The following DAB2IP variants were observed in gnomAD, a reference collection of about 807,000 sequenced individuals.
DAB2IP encodes disabled homolog 2-interacting protein.
DAB2IP carries 28 observed loss-of-function variants against 107.2 expected under a neutral mutation model. The observed-to-expected ratio is 0.26, with a 90% confidence interval of 0.19 to 0.36. The LOEUF (loss-of-function observed/expected upper bound fraction) is 0.36, where lower values mean the gene tolerates loss of function less well. DAB2IP is among the 10% of genes least tolerant of loss of function. DAB2IP has a pLI of 1.00. For synonymous variants in DAB2IP, 755 were observed against 706.4 expected (o/e 1.07, Z -1.09); for missense variants, 1,400 against 1,644.7 (o/e 0.85, Z 2.57).
At chr9:121,583,061 G>A (rs971948433) in intron 1 of DAB2IP, among the ~76,000 whole-genome samples, 2 of 152,240 alleles carry the variant, frequency 1.3e-5, no homozygotes, top group African/African-American at 2.4e-5. Context: ...AAGGAGCCAC[G>A]AAAACAGAAC....
chr9:121,660,870 T>C (rs1276231239), intron 1 of DAB2IP, among the ~76,000 whole-genome samples: 1 of 152,182 alleles, frequency 6.6e-6, no homozygotes, highest in African/African-American at 2.4e-5. Context: ...AGTGGTTCTG[T>C]GTGGCCCACC....
chr9:121,587,889 T>TA (rs1024754938), intron 1 of DAB2IP, among the ~76,000 whole-genome samples: 4 of 152,140 alleles, frequency 2.6e-5, no homozygotes, highest in Non-Finnish European at 2.9e-5. Context: ...ATACTTACAC[T>TA]AAAAAAAATT....
intron 9 of DAB2IP, among the ~76,000 whole-genome samples, chr9:121,767,320 G>A (rs1377830988): frequency 1.3e-5 from 2 of 152,214 alleles, no homozygotes; most frequent in African/African-American, 4.8e-5. Context: ...GGGCTCTGAC[G>A]GCACCAAGAT....
intron 3 of DAB2IP, among the ~76,000 whole-genome samples, chr9:121,726,521 G>A (rs1428379567): frequency 6.6e-6 from 1 of 152,210 alleles, no homozygotes; most frequent in Non-Finnish European, 1.5e-5. Flanking sequence ...AAACCAACAC[G>A]GGGCTTGCAA....
rs891778054 is a variant in DAB2IP, at chr9:121,698,020, C to G, written c.229-1305C>G. On this transcript the variant is annotated intron_variant, in intron 2 of 15. Coordinates refer to ENST00000408936, the Ensembl canonical transcript of DAB2IP. The surrounding 1 kb of genome is among the most constrained non-coding windows in gnomAD (Gnocchi z 4.1). ...GATGACTTGTACAGCCCATGTTTGA[C>G]CTTGTCATGTTGAAGATGGACAGAT... Among the ~76,000 whole-genome samples the G allele has an allele frequency of 6.6e-5, 10 of 152,192 alleles. No individual in the cohort carries two copies. Among genetic ancestry groups the G allele is most frequent in the African/African-American group, 2.4e-4 (10 of 41,450 alleles).
At chr9:121,757,279 G>C (rs1009025606) in intron 4 of DAB2IP, 113 bp downstream of exon 4, 3 of 1,403,218 alleles carry the variant, frequency 2.1e-6, no homozygotes, top group African/African-American at 2.9e-5. Flanking sequence ...AGGGGCCAGG[G>C]TCTTGGGGAC....
chr9:121,622,367 C>T (rs967610174), intron 1 of DAB2IP, among the ~76,000 whole-genome samples: 4 of 152,122 alleles, frequency 2.6e-5, no homozygotes, highest in Non-Finnish European at 4.4e-5. Flanking sequence ...CTGGGGTCTA[C>T]AAGAGGGGGA....
intron 3 of DAB2IP, among the ~76,000 whole-genome samples, chr9:121,717,674 A>G (rs540244344): frequency 6.6e-6 from 1 of 152,290 alleles, no homozygotes; most frequent in Non-Finnish European, 1.5e-5. Flanking sequence ...TGTGGCAACC[A>G]CATGCCGGGC....
Position 121,784,691 on chromosome 9 carries a change from G to A in DAB2IP, c.*2193G>A, listed in dbSNP as rs79429145. 8.7e-3 allele frequency: 1,355 copies of A among 155,142 alleles called. 18 individuals are homozygous for A. Among genetic ancestry groups the A allele is most frequent in the African/African-American group, 0.03 (1,250 of 41,640 alleles). 9.6% of individuals were successfully genotyped at this position (155,142 alleles called of 1,614,324 possible). On this transcript the variant is annotated 3_prime_UTR_variant, in exon 16 of 16. Coordinates refer to ENST00000408936, the Ensembl canonical transcript of DAB2IP. ...GTCCTGGTGCTGCCGAGGGCTGGCC[G>A]GGACTGCTGCTCTCCCAAGGGTTTT...
intron 3 of DAB2IP, chr9:121,742,718 A>G (rs1589621761): frequency 1.0e-6 from 1 of 985,332 alleles, no homozygotes; most frequent in Non-Finnish European, 1.2e-6. Context: ...GGTTCCCTGC[A>G]CCTGCCTTTT....
At chr9:121,711,459 A>C (rs1179993178) in intron 3 of DAB2IP, among the ~76,000 whole-genome samples, 2 of 152,220 alleles carry the variant, frequency 1.3e-5, no homozygotes, top group African/African-American at 4.8e-5. Flanking sequence ...CCTGCAATGA[A>C]GAAGTCAGTT....
intron 1 of DAB2IP, among the ~76,000 whole-genome samples, chr9:121,672,503 T>G (rs1208554266): frequency 6.6e-6 from 1 of 152,234 alleles, no homozygotes; most frequent in Non-Finnish European, 1.5e-5. Context: ...GATTTTATTT[T>G]ATTTATTTTT....
In DAB2IP at chr9:121,722,087, A is replaced by C. The variant is rs565433562; in HGVS notation, c.362+22629A>C. On this transcript the variant is annotated intron_variant, in intron 3 of 15. Coordinates refer to ENST00000408936, the Ensembl canonical transcript of DAB2IP. Reference sequence around the variant, plus strand: ...TGGCCAGGCAGGAGCTCAAGGAAGAAGGGTCATGAGTATTTAAGAGAAACC... The same window carrying C: ...TGGCCAGGCAGGAGCTCAAGGAAGACGGGTCATGAGTATTTAAGAGAAACC... Among the ~76,000 whole-genome samples, 57 of 152,334 alleles carry C rather than the reference A, an allele frequency of 3.7e-4. 1 individual carries two copies. The highest frequency in any genetic ancestry group is 1.4e-3 in the African/African-American group (57 of 41,572).
At chr9:121,650,781 G>A (rs530866274), upstream of DAB2IP, among the ~76,000 whole-genome samples, 2 of 152,330 alleles carry the variant, frequency 1.3e-5, no homozygotes, top group South Asian at 4.1e-4. Flanking sequence ...GACTTTGGTC[G>A]GGTGGAGAAA....
chr9:121,699,184 A>C lies in DAB2IP; in HGVS notation c.229-141A>C. 5.7e-6 allele frequency: 5 copies of C among 878,248 alleles called. No homozygotes were observed. Among genetic ancestry groups the C allele is most frequent in the Non-Finnish European group, 6.8e-6 (5 of 737,470 alleles). The allele number at this position is 878,248 out of a possible 1,614,324, so 54.4% of individuals were successfully genotyped here. On this transcript the variant is annotated intron_variant, in intron 2 of 15. Coordinates refer to ENST00000408936, the Ensembl canonical transcript of DAB2IP. This position sits in a 1 kb window ranked among gnomAD's most constrained non-coding sequence, Gnocchi z 6.2. ...CGGCGGGCGGGCGGCGCGGGCCGCG[A>C]GCTGCTGGGGCCGAGCCCGAGCCCG...
chr9:121,779,797 G>C (rs981639206), intron 14 of DAB2IP, among the ~76,000 whole-genome samples: 3 of 152,172 alleles, frequency 2.0e-5, no homozygotes, highest in African/African-American at 7.2e-5. Context: ...TTCAGTCAGA[G>C]ACACAAGGGG....
chr9:121,628,328 T>C (rs963156699), intron 1 of DAB2IP, among the ~76,000 whole-genome samples: 2 of 152,188 alleles, frequency 1.3e-5, no homozygotes, highest in Admixed American at 6.5e-5. Flanking sequence ...CTGAGGCAGA[T>C]GCCCCCCTGC....
At chr9:121,642,009 CTCTCTCTCTCTCTCTCTCTCTCTTTCTT>C (rs1832343075) in intron 1 of DAB2IP, among the ~76,000 whole-genome samples, 2 of 52,402 alleles carry the variant, frequency 3.8e-5, no homozygotes, top group Non-Finnish European at 6.3e-5. Context: ...CTCTCTCTCT[CTCTCTCTCTCTCTCTCTCTCTCTTTCTT>C]TCTTTCTTTC....
intron 1 of DAB2IP, among the ~76,000 whole-genome samples, chr9:121,622,779 T>C (rs1392358927): frequency 6.6e-6 from 1 of 152,088 alleles, no homozygotes; most frequent in Non-Finnish European, 1.5e-5. Context: ...GGAGAGCAAA[T>C]GGTCACTTGA....
Sources: allele counts gnomAD v4.1 joint callset (sites outside exome capture counted in the v4.1 genomes callset), GRCh38; gene constraint gnomAD v4.1.1; non-coding constraint Gnocchi (gnomAD v3.1); transcripts MANE v1.5; gene names NCBI Gene and HGNC (gene_info 2026-07-23, HGNC 2026-07-21).